The following CHD1 variants were observed in gnomAD, a reference collection of about 807,000 sequenced individuals.
CHD1 encodes ATP-dependent chromatin remodeler CHD1.
CHD1 carries 36 observed loss-of-function variants against 224.2 expected under a neutral mutation model. The ratio of observed to expected loss-of-function variants is 0.16; its 90% CI spans 0.12 to 0.21. The LOEUF (loss-of-function observed/expected upper bound fraction) is 0.21. Among genes scored for constraint, CHD1 ranks in the 10% least tolerant of loss-of-function variants. The pLI is 1.00. For missense variants in CHD1, 1,378 were observed against 1,994.8 expected (o/e 0.69, Z 5.89); for synonymous variants, 668 against 658.3 (o/e 1.01, Z -0.23).
At chr5:98,914,216 C>A (rs1018673985) in intron 2 of CHD1, among the ~76,000 whole-genome samples, 1 of 152,132 alleles carries the variant, frequency 6.6e-6, no homozygotes, top group Admixed American at 6.5e-5. Context: ...TGCATCTTCT[C>A]CCTGCTAGCT....
At chr5:98,856,862 T>G in intron 35 of CHD1, 137 bp from the exon 36 acceptor site, 1 of 622,428 alleles carries the variant, frequency 1.6e-6, no homozygotes, top group Non-Finnish European at 2.7e-6. Context: ...ATTATAAAAC[T>G]TACTTAATTA....
rs145330092 is a variant in CHD1 at position 98,899,908 on chromosome 5, C to T, written c.860-203G>A. ...TATCTAATATAATCCCCTCCTTTTT[C>T]GAATTAGAAAAAATAAAAAGACAGA... On this transcript the variant is annotated intron_variant, in intron 7 of 35. Transcript: ENST00000614616. Among the ~76,000 whole-genome samples the T allele has an allele frequency of 8.6e-5, 13 of 151,776 alleles. No homozygotes were observed. In the East Asian group the frequency reaches 2.3e-3, roughly 27 times the overall value.
chr5:98,916,545 CAAAA>C (rs33988135), intron 2 of CHD1, among the ~76,000 whole-genome samples: 3 of 40,430 alleles, frequency 7.4e-5, no homozygotes, highest in African/African-American at 2.4e-4. Context: ...AACTCCGTCT[CAAAA>C]AAAAAAAAAA....
chr5:98,905,856 A>C (rs937172641), intron 2 of CHD1, among the ~76,000 whole-genome samples: 4 of 152,198 alleles, frequency 2.6e-5, no homozygotes, highest in Non-Finnish European at 5.9e-5. Context: ...AGTCTGGACT[A>C]AACAGTTGAT....
rs1366500666 is a variant in CHD1, at chr5:98,856,734, G to A, written c.4788-9C>T. ...CTCTGTCACTGTAATATCTAATAAA[G>A]AAAAATTGAGAATTTTAGACAAATC... On this transcript the variant is annotated splice_polypyrimidine_tract_variant and intron_variant, in intron 35 of 35. Transcript: ENST00000614616. The A allele has an allele frequency of 2.0e-6, 3 of 1,501,864 alleles. No homozygotes were observed. Among genetic ancestry groups the A allele is most frequent in the Middle Eastern group, 1.8e-4 (1 of 5,668 alleles). The allele number at this position is 1,501,864 out of a possible 1,614,324, so 93.0% of individuals were successfully genotyped here.
intron 15 of CHD1, among the ~76,000 whole-genome samples, chr5:98,890,883 G>T (rs2112462477): frequency 6.6e-6 from 1 of 152,186 alleles, no homozygotes; most frequent in Middle Eastern, 3.4e-3. Flanking sequence ...CAAAAAAGAA[G>T]TACCTATAGA....
At chr5:98,870,221 T>C (rs546840203) in intron 29 of CHD1, among the ~76,000 whole-genome samples, 1 of 152,276 alleles carries the variant, frequency 6.6e-6, no homozygotes, top group African/African-American at 2.4e-5. Flanking sequence ...GCTACACAGG[T>C]AGTTATTGAC....
chr5:98,920,810 A>AG (rs1753042936), intron 2 of CHD1, among the ~76,000 whole-genome samples: 1 of 152,058 alleles, frequency 6.6e-6, no homozygotes. Context: ...AAAAAAAAAA[A>AG]AAAGACAAAT....
In CHD1 at chr5:98,856,261, C is replaced by T. The variant is rs1354176868; in HGVS notation, c.*119G>A. On this transcript the variant is annotated 3_prime_UTR_variant, in exon 36 of 36. Transcript: ENST00000614616. The stretch of plus-strand genomic sequence containing the variant: ...GACCTTGCATCCTGGAAAGAAGTAA[C>T]AATACTGCTACTGATAGAAGATCTG... 2 of 689,824 alleles carry T rather than the reference C, an allele frequency of 2.9e-6. No individual in the cohort carries two copies. Among genetic ancestry groups the T allele is most frequent in the South Asian group, 1.9e-5 (1 of 51,944 alleles). 42.7% of individuals were successfully genotyped at this position (689,824 alleles called of 1,614,324 possible).
Position 98,895,270 on chromosome 5 carries a change from T to C in CHD1, c.1711-584A>G, listed in dbSNP as rs562104902. On this transcript the variant is annotated intron_variant, in intron 12 of 35. Transcript: ENST00000614616. The stretch of plus-strand genomic sequence containing the variant: ...TCTTATTTAAGAAAACATAAGTGAT[T>C]AATTCATTTAATAATGTAATGTTTA... Among the ~76,000 whole-genome samples the C allele has an allele frequency of 6.8e-4, 103 of 152,336 alleles. 2 individuals are homozygous for C. Among genetic ancestry groups the C allele is most frequent in the South Asian group, 6.6e-3 (32 of 4,834 alleles).
rs755196943 is a variant in CHD1, at chr5:98,858,390, T to A, written c.4577A>T (p.Asp1526Val). ...TGTATTCTCTTTTAATCTTTCCACA[T>A]CTGTTAGATAAGTACAACTTTTATT... ...NLNPHVIRNP[D>V]VERLKENTNH... Residue 1526 changes from aspartate (D) to valine (V), a missense_variant and splice_region_variant, in exon 35 of 36, where the codon GAT (aspartate) becomes GTT (valine). Asp to Val is a radical substitution (Grantham distance 152). This residue lies in a region of CHD1 where 278 missense variants were observed against 298.5 expected (regional missense o/e 0.93). Transcript: ENST00000614616. 6.2e-7 allele frequency: 1 copy of A among 1,609,338 alleles called. No homozygotes were observed. Among genetic ancestry groups the A allele is most frequent in the Non-Finnish European group, 8.5e-7 (1 of 1,176,312 alleles).
At chr5:98,924,997 G>T (rs1753361964) in intron 2 of CHD1, among the ~76,000 whole-genome samples, 1 of 150,912 alleles carries the variant, frequency 6.6e-6, no homozygotes, top group African/African-American at 2.4e-5. Flanking sequence ...AAAAGAAAAA[G>T]AAAAGTCCAA....
intron 2 of CHD1, among the ~76,000 whole-genome samples, chr5:98,921,171 G>A (rs11948998): frequency 0.13 from 19,062 of 152,196 alleles, 1,897 homozygotes; most frequent in African/African-American, 0.28. Context: ...TTCAAGTAAT[G>A]CACAATGCCC....
intron 2 of CHD1, 111 bp downstream of exon 2, chr5:98,926,223 A>G (rs1206416160): frequency 3.0e-6 from 2 of 655,784 alleles, no homozygotes; most frequent in Admixed American, 3.5e-5. Flanking sequence ...GGAAAACCTG[A>G]AAACTCTGCT....
At position 98,928,588 on chromosome 5, in the gene CHD1, C is replaced by A. The variant is rs971337010; in HGVS notation, c.-198G>T. 2 of 152,062 alleles carry A rather than the reference C, an allele frequency of 1.3e-5. No individual in the cohort carries two copies. Among genetic ancestry groups the A allele is most frequent in the African/African-American group, 2.4e-5 (1 of 41,376 alleles). 9.4% of individuals were successfully genotyped at this position (152,062 alleles called of 1,614,324 possible). A position where few individuals can be genotyped will look rare whatever the true frequency, so the allele number is the denominator to read the frequency against. ...AGCCGACTCGGGTGGACGGCCTCCC[C>A]CGCGCCCAGGCCCGGGATCTCCGCC... On this transcript the variant is annotated 5_prime_UTR_variant, in exon 1 of 36. Transcript: ENST00000614616.
At chr5:98,910,936 G>A (rs1188738914) in intron 2 of CHD1, among the ~76,000 whole-genome samples, 2 of 151,034 alleles carry the variant, frequency 1.3e-5, no homozygotes, top group Non-Finnish European at 3.0e-5. Context: ...TGTGTATTTT[G>A]ATGTGCTATT....
chr5:98,860,484 TA>T (rs1234627824), intron 32 of CHD1: 1 of 222,630 alleles, frequency 4.5e-6, no homozygotes, highest in African/African-American at 2.3e-5. Context: ...AGAATTGTCT[TA>T]AATAATGCAT....
chr5:98,917,736 G>C (rs1561546510), intron 2 of CHD1, among the ~76,000 whole-genome samples: 1 of 152,128 alleles, frequency 6.6e-6, no homozygotes, highest in Non-Finnish European at 1.5e-5. Flanking sequence ...CTCCAGCTTT[G>C]TCTCTACATA....
At chr5:98,890,355 A>G (rs1750933135) in intron 15 of CHD1, among the ~76,000 whole-genome samples, 1 of 152,210 alleles carries the variant, frequency 6.6e-6, no homozygotes, top group South Asian at 2.1e-4. Context: ...TGGAATGAAA[A>G]GCAAAACGAA....
Sources: gnomAD v4.1 joint callset for allele counts (sites outside exome capture counted in the v4.1 genomes callset) on GRCh38, gnomAD v4.1.1 for gene constraint, gnomAD v4.1.1 regional missense constraint, MANE v1.5 for transcripts, NCBI Gene and HGNC (gene_info 2026-07-23, HGNC 2026-07-21) for gene names.